The following GPBP1 variants were observed in gnomAD, a reference collection of about 807,000 sequenced individuals.
GPBP1 encodes vasculin.
A neutral mutation model predicts 56.5 loss-of-function variants in GPBP1; 13 were observed. That is an observed-to-expected ratio of 0.23 (90% CI 0.15 to 0.37). GPBP1 has a LOEUF of 0.37. Among genes scored for constraint, GPBP1 ranks in the 10% least tolerant of loss-of-function variants. The pLI is 1.00. For missense variants in GPBP1, 477 were observed against 572.3 expected, an observed-to-expected ratio of 0.83 and a Z score of 1.70; for synonymous variants, 204 against 188.9, an observed-to-expected ratio of 1.08 and a Z score of -0.66.
chr5:57,230,434 A>C (rs1479709010), intron 3 of GPBP1, among the ~76,000 whole-genome samples: 1 of 152,198 alleles, frequency 6.6e-6, no homozygotes, highest in African/African-American at 2.4e-5. Flanking sequence ...TATGGAAATA[A>C]ATTTAAGGGA....
intron 2 of GPBP1, among the ~76,000 whole-genome samples, chr5:57,201,113 T>C (rs1049503080): frequency 3.3e-5 from 5 of 152,226 alleles, no homozygotes; most frequent in Non-Finnish European, 5.9e-5. Context: ...CATGAGCCAC[T>C]GCGCTCGGCC....
At position 57,175,809 on chromosome 5, in the gene GPBP1, T is replaced by A. The variant is rs1753769218; in HGVS notation, c.-649T>A. The A allele has an allele frequency of 1.3e-5, 5 of 397,010 alleles. No individual in the cohort carries two copies. Among genetic ancestry groups the A allele is most frequent in the Non-Finnish European group, 2.2e-5 (5 of 225,650 alleles). 24.6% of individuals were successfully genotyped at this position (397,010 alleles called of 1,614,324 possible). A position where few individuals can be genotyped will look rare whatever the true frequency, so the allele number is the denominator to read the frequency against. ...ACTGAGTAGTTTCAGCAGTTTCAAATGACTGAGTATTGCTGAAGTTTCATG... is the reference window on the plus strand; with the variant it reads ...ACTGAGTAGTTTCAGCAGTTTCAAAAGACTGAGTATTGCTGAAGTTTCATG... On this transcript the variant is annotated 5_prime_UTR_variant, in exon 2 of 12. The change abolishes an upstream ATG in the 5' untranslated region. Coordinates refer to ENST00000506184, the MANE Select transcript of GPBP1 (RefSeq NM_022913.4).
intron 3 of GPBP1, among the ~76,000 whole-genome samples, chr5:57,219,604 G>C (rs1755864382): frequency 6.6e-6 from 1 of 151,980 alleles, no homozygotes; most frequent in Admixed American, 6.6e-5. Flanking sequence ...GTACCGAGCT[G>C]CTCTTGTTTG....
intron 10 of GPBP1, among the ~76,000 whole-genome samples, chr5:57,253,676 TTTTTGAGGAATA>T: frequency 6.6e-6 from 1 of 152,342 alleles, no homozygotes; most frequent in Admixed American, 6.5e-5. Context: ...ATCTGTAGTT[TTTTTGAGGAATA>T]TTTTAATTTT....
intron 9 of GPBP1, among the ~76,000 whole-genome samples, chr5:57,250,318 A>G (rs1741321892): frequency 6.6e-6 from 1 of 151,284 alleles, no homozygotes; most frequent in Non-Finnish European, 1.5e-5. Context: ...CTTCATTTCT[A>G]AAGTAGATTT....
At chr5:57,248,387 T>C (rs1741190856) in intron 8 of GPBP1, among the ~76,000 whole-genome samples, 1 of 151,920 alleles carries the variant, frequency 6.6e-6, no homozygotes, top group Admixed American at 6.5e-5. Flanking sequence ...CTGAAATTGC[T>C]TTGGGTACTG....
chr5:57,249,727 C>CCT (rs1349449800), intron 9 of GPBP1, 151 bp downstream of exon 9: 1 of 528,612 alleles, frequency 1.9e-6, no homozygotes, highest in Admixed American at 4.0e-5. Flanking sequence ...CTTCTCCCCT[C>CCT]CTCTCTCCTT....
intron 10 of GPBP1, among the ~76,000 whole-genome samples, chr5:57,254,227 C>T (rs1032935254): frequency 5.3e-5 from 8 of 152,306 alleles, no homozygotes; most frequent in East Asian, 3.9e-4. Flanking sequence ...CCCTTCCCCA[C>T]GCCCCTCGCT....
chr5:57,254,194 GGGATTACA>G (rs1741529276), intron 10 of GPBP1, among the ~76,000 whole-genome samples: 2 of 152,138 alleles, frequency 1.3e-5, no homozygotes, highest in African/African-American at 2.4e-5. Flanking sequence ...CCAGAGTGCT[GGGATTACA>G]GCCACCATGC....
chr5:57,174,540 C>T (rs1372513118), intron 1 of GPBP1, among the ~76,000 whole-genome samples: 1 of 152,180 alleles, frequency 6.6e-6, no homozygotes, highest in South Asian at 2.1e-4. Context: ...CTTCCTTCCC[C>T]CGGCCTCTTG....
chr5:57,196,641 G>A (rs947428105), intron 2 of GPBP1, among the ~76,000 whole-genome samples: 1 of 152,104 alleles, frequency 6.6e-6, no homozygotes, highest in East Asian at 1.9e-4. Flanking sequence ...CCAGGCTGGA[G>A]TGATAAAGTG....
intron 10 of GPBP1, among the ~76,000 whole-genome samples, chr5:57,260,316 A>T (rs979418562): frequency 6.6e-6 from 1 of 152,204 alleles, no homozygotes; most frequent in African/African-American, 2.4e-5. Context: ...GAATCACCTC[A>T]TCTTTTCTTA....
chr5:57,255,172 G>C (rs1034055314), intron 10 of GPBP1, among the ~76,000 whole-genome samples: 2 of 151,894 alleles, frequency 1.3e-5, no homozygotes, highest in African/African-American at 4.8e-5. Flanking sequence ...CAAGATTTAT[G>C]TGTGTTCACG....
intron 10 of GPBP1, among the ~76,000 whole-genome samples, 161 bp downstream of exon 10, chr5:57,251,302 C>CT (rs1370368515): frequency 2.1e-4 from 32 of 152,164 alleles, no homozygotes; most frequent in Admixed American, 2.1e-3. Context: ...CAAAGTAGCC[C>CT]TTTGTTCACT....
chr5:57,204,941 A>C (rs969830504), intron 2 of GPBP1, among the ~76,000 whole-genome samples: 1 of 152,170 alleles, frequency 6.6e-6, no homozygotes, highest in African/African-American at 2.4e-5. Flanking sequence ...ATAGTACTCT[A>C]CTTACTTTTA....
At chr5:57,249,140 A>G (rs1465510810) in intron 8 of GPBP1, 2 of 299,640 alleles carry the variant, frequency 6.7e-6, no homozygotes, top group East Asian at 6.1e-5. Flanking sequence ...AAACAATTCT[A>G]GGATGCATTT....
rs1229583270 is a variant in GPBP1 at position 57,264,283 on chromosome 5, C to T, written c.*1531C>T. 1 of 152,156 alleles carries T rather than the reference C, an allele frequency of 6.6e-6. No individual in the cohort carries two copies. Among genetic ancestry groups the T allele is most frequent in the Non-Finnish European group, 1.5e-5 (1 of 68,016 alleles). 9.4% of individuals were successfully genotyped at this position (152,156 alleles called of 1,614,324 possible). A position where few individuals can be genotyped will look rare whatever the true frequency, so the allele number is the denominator to read the frequency against. Reference sequence around the variant, plus strand: ...ATAATTTGTCACAATTCAATCTAATCAGCTAAAGTTAAATGTAGTTAGAAT... The same window carrying T: ...ATAATTTGTCACAATTCAATCTAATTAGCTAAAGTTAAATGTAGTTAGAAT... On this transcript the variant is annotated 3_prime_UTR_variant, in exon 12 of 12. Transcript: ENST00000506184.
rs569368997 is a variant in GPBP1 at position 57,202,089 on chromosome 5, G to A, written c.-57-11985G>A. Among the ~76,000 whole-genome samples, 40 of 152,256 alleles carry A rather than the reference G, an allele frequency of 2.6e-4. No homozygotes were observed. The South Asian group carries it at 7.9e-3, about 30-fold the overall frequency. On this transcript the variant is annotated intron_variant, in intron 2 of 11. Transcript: ENST00000506184. ...GCTCACTGTAGCCTTGACTTCCCAG[G>A]TTCAGGTGATCCTCCCACCTCAGCC... is the stretch of plus-strand genomic sequence containing the variant.
chr5:57,210,340 G>C (rs1755421484), intron 2 of GPBP1, among the ~76,000 whole-genome samples: 1 of 152,052 alleles, frequency 6.6e-6, no homozygotes, highest in Non-Finnish European at 1.5e-5. Flanking sequence ...AAAAAATTAG[G>C]GTTTTCATAC....
Sources: allele counts gnomAD v4.1 joint callset (sites outside exome capture counted in the v4.1 genomes callset), GRCh38; gene constraint gnomAD v4.1.1; transcripts MANE v1.5; gene names NCBI Gene and HGNC (gene_info 2026-07-23, HGNC 2026-07-21).